Variants in CCBE1 observed in about 807,000 individuals in gnomAD.
The protein encoded by CCBE1 is collagen and calcium binding EGF domains 1, also known as collagen and calcium-binding EGF domain-containing protein 1.
CCBE1 carries 37 observed loss-of-function variants against 50.0 expected under a neutral mutation model. The observed-to-expected ratio is 0.74, with a 90% CI of 0.57 to 0.97. The LOEUF is 0.97. Among genes scored for constraint, CCBE1 ranks in the 50% least tolerant of loss-of-function variants. CCBE1 has a pLI of 0.00. For missense variants in CCBE1, 538 were observed against 523.8 expected, an observed-to-expected ratio of 1.03 and a Z score of -0.26; for synonymous variants, 234 against 203.7, an observed-to-expected ratio of 1.15 and a Z score of -1.27.
At chr18:59,674,340 G>A (rs1163429585) in intron 2 of CCBE1, among the ~76,000 whole-genome samples, 2 of 152,126 alleles carry the variant, frequency 1.3e-5, no homozygotes, top group Non-Finnish European at 2.9e-5. Flanking sequence ...CATGAAGCTG[G>A]AAACCATTCT....
intron 2 of CCBE1, among the ~76,000 whole-genome samples, chr18:59,621,730 T>G (rs557570903): frequency 6.6e-6 from 1 of 152,356 alleles, no homozygotes; most frequent in East Asian, 1.9e-4. Flanking sequence ...CCTCTGTCAC[T>G]TACATGGCCA....
chr18:59,481,477 G>T (rs979889289), intron 2 of CCBE1, among the ~76,000 whole-genome samples: 7 of 152,134 alleles, frequency 4.6e-5, no homozygotes, highest in African/African-American at 1.7e-4. Context: ...AAGAAGTTTG[G>T]CAAGCCCCAA....
intron 2 of CCBE1, chr18:59,696,409 A>C: frequency 8.1e-7 from 1 of 1,228,378 alleles, no homozygotes; most frequent in Non-Finnish European, 1.1e-6. Context: ...TCAGGATCTC[A>C]GGGCACACAC....
intron 2 of CCBE1, chr18:59,688,163 A>G (rs1259808642): frequency 1.3e-5 from 2 of 152,108 alleles, no homozygotes; most frequent in Non-Finnish European, 2.9e-5. Flanking sequence ...AAATTTTTCT[A>G]CTATACTAAT....
Position 59,434,264 on chromosome 18 carries a change from C to T in CCBE1, c.*1644G>A, listed in dbSNP as rs1184146424. ...GGGCTAAAAGGTGGAGGCAAAAAAGCCAAAAAGAAATGGGAAAGGACATGG... is the reference window on the plus strand; with the variant it reads ...GGGCTAAAAGGTGGAGGCAAAAAAGTCAAAAAGAAATGGGAAAGGACATGG... On this transcript the variant is annotated 3_prime_UTR_variant, in exon 11 of 11. Coordinates refer to ENST00000439986, the MANE Select transcript of CCBE1 (RefSeq NM_133459.4). The T allele has an allele frequency of 6.6e-6, 1 of 152,034 alleles. No homozygotes were observed. The highest frequency in any genetic ancestry group is 1.5e-5 in the Non-Finnish European group (1 of 68,026). 9.4% of individuals were successfully genotyped at this position (152,034 alleles called of 1,614,324 possible).
intron 6 of CCBE1, among the ~76,000 whole-genome samples, chr18:59,449,759 C>T (rs1278617309): frequency 1.3e-5 from 2 of 152,176 alleles, no homozygotes. Flanking sequence ...ATCAAGTCTT[C>T]GTATTTAAAA....
intron 2 of CCBE1, among the ~76,000 whole-genome samples, chr18:59,666,721 C>A (rs1055126866): frequency 1.3e-5 from 2 of 152,192 alleles, no homozygotes; most frequent in Middle Eastern, 6.8e-3. Context: ...AATCCCAGAA[C>A]GTTGGGAGGC....
At chr18:59,488,330 A>T (rs1383998338) in intron 2 of CCBE1, among the ~76,000 whole-genome samples, 2 of 152,224 alleles carry the variant, frequency 1.3e-5, no homozygotes, top group Admixed American at 1.3e-4. Context: ...TAAAGTGGTT[A>T]AAATGGTAAA....
intron 2 of CCBE1, among the ~76,000 whole-genome samples, chr18:59,543,511 G>T (rs1405755758): frequency 1.3e-5 from 2 of 152,152 alleles, no homozygotes; most frequent in African/African-American, 4.8e-5. Flanking sequence ...GACAAGGATT[G>T]TATCCATAAA....
At chr18:59,443,362 C>T (rs1910524671) in intron 7 of CCBE1, among the ~76,000 whole-genome samples, 1 of 152,146 alleles carries the variant, frequency 6.6e-6, no homozygotes, top group Admixed American at 6.5e-5. Context: ...GCATGTTCAC[C>T]TCTGCTTTAG....
At chr18:59,464,608 A>T (rs2143712750) in intron 5 of CCBE1, among the ~76,000 whole-genome samples, 1 of 152,294 alleles carries the variant, frequency 6.6e-6, no homozygotes, top group Middle Eastern at 3.4e-3. Context: ...AAATTATTCA[A>T]ATCGCCCAAT....
chr18:59,551,309 T>C (rs1346782117), intron 2 of CCBE1, among the ~76,000 whole-genome samples: 3 of 152,054 alleles, frequency 2.0e-5, no homozygotes, highest in Non-Finnish European at 4.4e-5. Flanking sequence ...AGTAAACATA[T>C]AAAAAATGAT....
chr18:59,563,090 T>C (rs1166320058), intron 2 of CCBE1, among the ~76,000 whole-genome samples: 3 of 152,198 alleles, frequency 2.0e-5, no homozygotes, highest in Non-Finnish European at 4.4e-5. Flanking sequence ...AAGAGAGCAA[T>C]GCAACCCTTA....
At chr18:59,499,027 T>C (rs74853285) in intron 2 of CCBE1, among the ~76,000 whole-genome samples, 2 of 152,334 alleles carry the variant, frequency 1.3e-5, no homozygotes, top group East Asian at 1.9e-4. Context: ...AAACGATATA[T>C]GTAACCTTGA....
At chr18:59,527,437 G>A (rs1000166822) in intron 2 of CCBE1, among the ~76,000 whole-genome samples, 5 of 152,126 alleles carry the variant, frequency 3.3e-5, no homozygotes, top group African/African-American at 1.2e-4. Flanking sequence ...AATGGGTCTT[G>A]ACTCTCTACC....
intron 2 of CCBE1, among the ~76,000 whole-genome samples, chr18:59,556,009 A>G (rs780902834): frequency 6.6e-6 from 1 of 152,236 alleles, no homozygotes; most frequent in Non-Finnish European, 1.5e-5. Context: ...CAGAGCTTTC[A>G]GATTCTCATC....
At position 59,432,012 on chromosome 18, in the gene CCBE1, G is replaced by A. The variant is rs1010489301; in HGVS notation, c.*3896C>T. The A allele has an allele frequency of 2.6e-5, 4 of 152,270 alleles. No homozygotes were observed. The highest frequency in any genetic ancestry group is 9.7e-5 in the African/African-American group (4 of 41,448). 9.4% of individuals were successfully genotyped at this position (152,270 alleles called of 1,614,324 possible). A position where few individuals can be genotyped will look rare whatever the true frequency, so the allele number is the denominator to read the frequency against. ...CTCTGTAGCCAGGCTGGAGTGCAGT[G>A]GCGCAATCTTGGCTCACTGCAACCT... On this transcript the variant is annotated 3_prime_UTR_variant, in exon 11 of 11. Coordinates refer to ENST00000439986, the MANE Select transcript of CCBE1 (RefSeq NM_133459.4).
chr18:59,478,985 A>G (rs576226166), intron 3 of CCBE1, among the ~76,000 whole-genome samples: 1 of 152,302 alleles, frequency 6.6e-6, no homozygotes, highest in East Asian at 1.9e-4. Context: ...GGTCACAGCT[A>G]TGGTTCAATG....
chr18:59,538,965 G>T (rs1915357498), intron 2 of CCBE1, among the ~76,000 whole-genome samples: 1 of 151,880 alleles, frequency 6.6e-6, no homozygotes, highest in South Asian at 2.1e-4. Context: ...ACCGCTTGAG[G>T]CCAGGAGTTT....
Sources: allele counts gnomAD v4.1 joint callset (sites outside exome capture counted in the v4.1 genomes callset), GRCh38; gene constraint gnomAD v4.1.1; transcripts MANE v1.5; gene names NCBI Gene and HGNC (gene_info 2026-07-23, HGNC 2026-07-21).